CALN1: variants seen among roughly 807,000 people sequenced by gnomAD.
CALN1 encodes the protein calneuron 1, also known as calcium-binding protein 8.
CALN1 carries 17 observed loss-of-function variants against 30.6 expected under a neutral mutation model. That is an observed-to-expected ratio of 0.56 (90% CI 0.38 to 0.83). The LOEUF (loss-of-function observed/expected upper bound fraction) is 0.83. Ranked by LOEUF, CALN1 falls within the 40% of genes least tolerant of loss-of-function variation. The probability of loss-of-function intolerance (pLI) is 0.00; values close to 1 mark genes in which losing one functional copy is unlikely to be tolerated. For synonymous variants in CALN1, 156 were observed against 131.4 expected, an observed-to-expected ratio of 1.19 and a Z score of -1.28; for missense variants, 291 against 354.9, an observed-to-expected ratio of 0.82 and a Z score of 1.45.
In CALN1 at chr7:72,337,003, C is replaced by T. The variant is rs551464802; in HGVS notation, c.120-58193G>A. 6.7e-4 allele frequency: 665 copies of T among 985,592 alleles called. 1 individual carries two copies. The highest frequency in any genetic ancestry group is 8.6e-4 in the Admixed American group (14 of 16,280). The allele number at this position is 985,592 out of a possible 1,614,324, so 61.1% of individuals were successfully genotyped here. ...TGCCTCCCTGTCCTTGTCCTCTGCT[C>T]TCGTCTGGGGACGTGTGCCCCGCAC... On this transcript the variant is annotated intron_variant, in intron 2 of 6. Transcript: ENST00000395275.
chr7:72,206,901 C>T (rs538717067), intron 3 of CALN1, among the ~76,000 whole-genome samples: 59 of 152,270 alleles, frequency 3.9e-4, no homozygotes, highest in African/African-American at 1.4e-3. Context: ...ATGGGAATCT[C>T]ATTGAATGAG....
intron 3 of CALN1, among the ~76,000 whole-genome samples, chr7:72,238,681 CT>C (rs1794634537): frequency 1.3e-5 from 2 of 152,210 alleles, no homozygotes; most frequent in African/African-American, 4.8e-5. Context: ...TTTTAAGGGG[CT>C]TTTCCCCTCT....
At chr7:72,365,823 T>C (rs1372794984) in intron 2 of CALN1, among the ~76,000 whole-genome samples, 4 of 152,210 alleles carry the variant, frequency 2.6e-5, no homozygotes, top group African/African-American at 9.7e-5. Context: ...CTTAAAAGTA[T>C]AGGGAAAATT....
intron 4 of CALN1, among the ~76,000 whole-genome samples, chr7:72,092,322 GATTTA>G (rs1381621654): frequency 1.3e-5 from 2 of 151,862 alleles, no homozygotes; most frequent in Non-Finnish European, 2.9e-5. Context: ...TGTTCTTTAC[GATTTA>G]ATTAGGTTGT....
At chr7:72,318,721 T>C (rs1311893681) in intron 2 of CALN1, among the ~76,000 whole-genome samples, 3 of 141,752 alleles carry the variant, frequency 2.1e-5, no homozygotes, top group Non-Finnish European at 4.6e-5. Flanking sequence ...TTTTTTTTTT[T>C]TTTTTTTTTT....
At chr7:72,355,377 T>C (rs191033150) in intron 2 of CALN1, among the ~76,000 whole-genome samples, 156 of 152,136 alleles carry the variant, frequency 1.0e-3, no homozygotes, top group Admixed American at 2.5e-3. Flanking sequence ...AATACAAAAA[T>C]TAGCTAGGCG....
At chr7:72,117,199 C>A (rs1808046263) in intron 3 of CALN1, among the ~76,000 whole-genome samples, 1 of 152,120 alleles carries the variant, frequency 6.6e-6, no homozygotes, top group Non-Finnish European at 1.5e-5. Context: ...CACCTGCAGT[C>A]CCAGCTACTA....
chr7:72,389,115 G>C (rs1196326099), intron 2 of CALN1, among the ~76,000 whole-genome samples: 1 of 152,180 alleles, frequency 6.6e-6, no homozygotes, highest in Non-Finnish European at 1.5e-5. Context: ...TAACTTGCAA[G>C]CAGTATTCTG....
intron 6 of CALN1, among the ~76,000 whole-genome samples, chr7:71,794,783 C>G (rs77368359): frequency 0.014 from 2,082 of 152,268 alleles, 18 homozygotes; most frequent in Middle Eastern, 0.065. Flanking sequence ...TTGTTTTCAT[C>G]TCTTCCTTCA....
chr7:71,917,593 A>G (rs1794743244), intron 5 of CALN1, among the ~76,000 whole-genome samples: 1 of 152,194 alleles, frequency 6.6e-6, no homozygotes, highest in African/African-American at 2.4e-5. Flanking sequence ...GGGAGGCCTC[A>G]GGAAACTTAC....
chr7:72,139,077 T>C (rs1423386524), intron 3 of CALN1, among the ~76,000 whole-genome samples: 1 of 152,218 alleles, frequency 6.6e-6, no homozygotes, highest in Non-Finnish European at 1.5e-5. Context: ...ACATCACGTC[T>C]AATCACGCTT....
chr7:72,408,643 A>C (rs1806874258), intron 1 of CALN1, among the ~76,000 whole-genome samples: 1 of 151,066 alleles, frequency 6.6e-6, no homozygotes, highest in Non-Finnish European at 1.5e-5. Context: ...TCATGAAAAG[A>C]CATACAAATG....
chr7:72,423,822 A>C (rs1356795401), intron 1 of CALN1, among the ~76,000 whole-genome samples: 2 of 151,766 alleles, frequency 1.3e-5, no homozygotes, highest in East Asian at 3.9e-4. Flanking sequence ...GTCTCAAAAA[A>C]AAAAGAGAGA....
chr7:72,348,611 G>A (rs911967318), intron 2 of CALN1, among the ~76,000 whole-genome samples: 4 of 152,226 alleles, frequency 2.6e-5, no homozygotes, highest in African/African-American at 9.6e-5. Context: ...CTAGACGTAA[G>A]AAAGAACTGG....
intron 4 of CALN1, among the ~76,000 whole-genome samples, chr7:72,054,585 AAAG>A (rs973869451): frequency 1.3e-5 from 2 of 149,216 alleles, no homozygotes; most frequent in Admixed American, 6.7e-5. Context: ...CAGCCATGAA[AAAG>A]AATGAGATCA....
At chr7:72,299,463 C>CAGAGTTTACATAAAACAAA (rs76299508) in intron 2 of CALN1, among the ~76,000 whole-genome samples, 2 of 151,990 alleles carry the variant, frequency 1.3e-5, no homozygotes, top group Non-Finnish European at 1.5e-5. Flanking sequence ...AGTTAAGAGG[C>CAGAGTTTACATAAAACAAA]AGAAATTACA....
chr7:71,940,813 A>G (rs1796089179), intron 5 of CALN1, among the ~76,000 whole-genome samples: 1 of 152,048 alleles, frequency 6.6e-6, no homozygotes, highest in Admixed American at 6.6e-5. Flanking sequence ...GGATTTTGCC[A>G]TGGTGCCCAG....
chr7:72,164,845 TG>T (rs2129545055), intron 3 of CALN1, among the ~76,000 whole-genome samples: 1 of 151,948 alleles, frequency 6.6e-6, no homozygotes, highest in African/African-American at 2.4e-5. Context: ...TTAATTTGGG[TG>T]GTATTTTTTA....
chr7:72,135,314 A>T (rs1809429770), intron 3 of CALN1, among the ~76,000 whole-genome samples: 1 of 152,236 alleles, frequency 6.6e-6, no homozygotes, highest in African/African-American at 2.4e-5. Context: ...CATTGCCCAG[A>T]TCTATCAGAG....
Sources: gnomAD v4.1 joint callset for allele counts (sites outside exome capture counted in the v4.1 genomes callset) on GRCh38, gnomAD v4.1.1 for gene constraint, MANE v1.5 for transcripts, NCBI Gene and HGNC (gene_info 2026-07-23, HGNC 2026-07-21) for gene names.